FAM227B: variants seen among roughly 807,000 people sequenced by gnomAD.
The protein encoded by FAM227B is protein FAM227B.
FAM227B carries 88 observed loss-of-function variants against 73.8 expected under a neutral mutation model. That is an observed-to-expected ratio of 1.19 (90% confidence interval 1.00 to 1.42). The LOEUF (loss-of-function observed/expected upper bound fraction) is 1.42. Among genes scored for constraint, FAM227B ranks in the 40% most tolerant of loss-of-function variants. The probability of loss-of-function intolerance (pLI) is 0.00; values close to 1 mark genes in which losing one functional copy is unlikely to be tolerated. For synonymous variants in FAM227B, 210 were observed against 190.5 expected, an observed-to-expected ratio of 1.10 and a Z score of -0.84; for missense variants, 632 against 590.9, an observed-to-expected ratio of 1.07 and a Z score of -0.72.
chr15:49,382,314 A>G (rs908382786), intron 11 of FAM227B, among the ~76,000 whole-genome samples: 8 of 151,706 alleles, frequency 5.3e-5, no homozygotes, highest in Middle Eastern at 6.8e-3. Flanking sequence ...AGAGTAACAT[A>G]ATTTATAGTT....
chr15:49,459,307 G>C (rs1288621538), intron 11 of FAM227B, among the ~76,000 whole-genome samples: 1 of 152,102 alleles, frequency 6.6e-6, no homozygotes, highest in African/African-American at 2.4e-5. Flanking sequence ...TGCTTTCTAG[G>C]GGAGCAGCAC....
intron 11 of FAM227B, chr15:49,425,461 G>C (rs1290946451): frequency 6.6e-6 from 1 of 151,900 alleles, no homozygotes. Flanking sequence ...GTACATTAAG[G>C]ATTTAAAATA....
intron 10 of FAM227B, among the ~76,000 whole-genome samples, chr15:49,539,556 T>C (rs1353713414): frequency 6.6e-6 from 1 of 152,120 alleles, no homozygotes; most frequent in Admixed American, 6.5e-5. Flanking sequence ...GCAGCATTAA[T>C]AATGGTTTGT....
chr15:49,614,319 CA>C (rs113319456), intron 2 of FAM227B, among the ~76,000 whole-genome samples: 55 of 147,386 alleles, frequency 3.7e-4, no homozygotes, highest in East Asian at 2.8e-3. Context: ...CAAACTTGGA[CA>C]AAAAAAAAAT....
At chr15:49,571,828 AG>A (rs34585209) in intron 8 of FAM227B, among the ~76,000 whole-genome samples, 49,695 of 151,678 alleles carry the variant, frequency 0.33, 8,907 homozygotes, top group African/African-American at 0.46. Flanking sequence ...CAGACTATTC[AG>A]GGATCTTCTG....
In FAM227B at chr15:49,367,639, GA is replaced by G. The variant is rs754428362; in HGVS notation, c.1111-32del. The G allele has an allele frequency of 1.1e-5, 17 of 1,524,262 alleles. 1 individual carries two copies. The highest frequency in any genetic ancestry group is 1.3e-5 in the Non-Finnish European group (15 of 1,146,426). 94.4% of individuals were successfully genotyped at this position (1,524,262 alleles called of 1,614,324 possible). On this transcript the variant is annotated intron_variant, in intron 12 of 15. Transcript: ENST00000299338. ...AGAGGAAGAAAATAATCAAGACAAC[GA>G]TTACTTTTGTGTTTCTAAAAAACTG...
intron 11 of FAM227B, among the ~76,000 whole-genome samples, chr15:49,499,831 C>T (rs1167680805): frequency 6.6e-6 from 1 of 152,042 alleles, no homozygotes; most frequent in Admixed American, 6.5e-5. Context: ...AATGTTTATA[C>T]ATATAATTAA....
At position 49,611,272 on chromosome 15, in the gene FAM227B, A is replaced by G. The variant is rs1294898088; in HGVS notation, c.52-4T>C. The G allele has an allele frequency of 1.9e-6, 3 of 1,554,498 alleles. No individual in the cohort carries two copies. Among genetic ancestry groups the G allele is most frequent in the Non-Finnish European group, 2.7e-6 (3 of 1,129,650 alleles). ...TCTTTGGAGGTTCTTGCATTTTCTA[A>G]TAAAGTAATATCAACATTGTTCATT... On this transcript the variant is annotated splice_region_variant and splice_polypyrimidine_tract_variant and intron_variant, in intron 2 of 15. Transcript: ENST00000299338.
At chr15:49,460,519 C>T (rs1019661657) in intron 11 of FAM227B, among the ~76,000 whole-genome samples, 43 of 152,126 alleles carry the variant, frequency 2.8e-4, no homozygotes, top group Admixed American at 2.4e-3. Flanking sequence ...TATGTTTTTA[C>T]TACTTATATT....
At chr15:49,612,387 T>C (rs908672041) in intron 2 of FAM227B, among the ~76,000 whole-genome samples, 1 of 152,164 alleles carries the variant, frequency 6.6e-6, no homozygotes, top group African/African-American at 2.4e-5. Context: ...TGATGGTTTC[T>C]ACCTTCATCC....
chr15:49,561,972 A>C (rs993554046), intron 9 of FAM227B, among the ~76,000 whole-genome samples: 1 of 152,102 alleles, frequency 6.6e-6, no homozygotes, highest in African/African-American at 2.4e-5. Context: ...CCCCAAAGCT[A>C]GTAGAAGACA....
chr15:49,546,445 G>A (rs7496854), intron 9 of FAM227B, among the ~76,000 whole-genome samples: 106,919 of 151,988 alleles, frequency 0.7, 37,926 homozygotes, highest in East Asian at 0.93. Flanking sequence ...TTATAGCAGC[G>A]TGATTTATAA....
At chr15:49,458,560 T>A (rs995453252) in intron 11 of FAM227B, among the ~76,000 whole-genome samples, 1 of 152,118 alleles carries the variant, frequency 6.6e-6, no homozygotes, top group African/African-American at 2.4e-5. Flanking sequence ...AAGAACAGGA[T>A]GACTAAAAAT....
rs144606023 is a variant in FAM227B, at chr15:49,444,248, C to T, written c.1012+63963G>A. ...GATTGCTCTCAAGACAATGAAAAAA[C>T]GGAGAATGGAAGGCCACAATCCAGC... is the stretch of plus-strand genomic sequence containing the variant. On this transcript the variant is annotated intron_variant, in intron 11 of 15. Coordinates refer to ENST00000299338, the MANE Select transcript of FAM227B (RefSeq NM_152647.3). Among the ~76,000 whole-genome samples, 333 of 151,698 alleles carry T rather than the reference C, an allele frequency of 2.2e-3. 1 individual carries two copies. Among genetic ancestry groups the T allele is most frequent in the Non-Finnish European group, 2.8e-3 (192 of 67,738 alleles).
chr15:49,510,196 G>A (rs2058884103), intron 10 of FAM227B, among the ~76,000 whole-genome samples: 1 of 152,036 alleles, frequency 6.6e-6, no homozygotes, highest in African/African-American at 2.4e-5. Flanking sequence ...CCACATACAA[G>A]CTAACTTTCT....
chr15:49,441,535 G>C (rs976367196), intron 11 of FAM227B, among the ~76,000 whole-genome samples: 6 of 151,598 alleles, frequency 4.0e-5, no homozygotes, highest in Non-Finnish European at 7.4e-5. Context: ...AAGCATTACA[G>C]ACAAAGTGGG....
rs200556221 is a variant in FAM227B, at chr15:49,367,562, T to C, written c.1157A>G (p.Asn386Ser). The C allele has an allele frequency of 1.4e-5, 22 of 1,604,052 alleles. No individual in the cohort carries two copies. The highest frequency in any genetic ancestry group is 7.0e-5 in the Admixed American group (4 of 56,832). ...AATCAATGGACTCTGACCTCCAAAA[T>C]TGAAGAGAACACGATTAAACTCTGG... ...TGPEFNRVLFNFGGQSPLILY... is the reference protein window; with the variant it reads ...TGPEFNRVLFSFGGQSPLILY... Residue 386 changes from asparagine to serine, a missense_variant, in exon 13 of 16, where the codon AAT becomes AGT. Asn to Ser is a conservative substitution (Grantham distance 46). Transcript: ENST00000299338.
intron 11 of FAM227B, among the ~76,000 whole-genome samples, chr15:49,480,205 C>T (rs770019533): frequency 6.6e-6 from 1 of 152,138 alleles, no homozygotes; most frequent in African/African-American, 2.4e-5. Flanking sequence ...TAAGTCTATT[C>T]TCATCTCAGT....
At chr15:49,382,312 A>G (rs1472294997) in intron 11 of FAM227B, among the ~76,000 whole-genome samples, 3 of 151,612 alleles carry the variant, frequency 2.0e-5, no homozygotes, top group African/African-American at 7.3e-5. Flanking sequence ...GAAGAGTAAC[A>G]TAATTTATAG....
Sources: gnomAD v4.1 joint callset for allele counts (sites outside exome capture counted in the v4.1 genomes callset) on GRCh38, gnomAD v4.1.1 for gene constraint, MANE v1.5 for transcripts, NCBI Gene and HGNC (gene_info 2026-07-23, HGNC 2026-07-21) for gene names.